The following MAPK10 variants were observed in gnomAD, a reference collection of about 807,000 sequenced individuals.
MAPK10 encodes mitogen-activated protein kinase 10.
A neutral mutation model predicts 59.3 loss-of-function variants in MAPK10; 25 were observed. That is an observed-to-expected ratio of 0.42 (90% CI 0.31 to 0.59). MAPK10 has a LOEUF of 0.59. MAPK10 is among the 20% of genes least tolerant of loss of function. MAPK10 has a pLI of 0.15. For missense variants in MAPK10, 351 were observed against 568.9 expected, an observed-to-expected ratio of 0.62 and a Z score of 3.90; for synonymous variants, 190 against 200.5, an observed-to-expected ratio of 0.95 and a Z score of 0.44.
intron 2 of MAPK10, among the ~76,000 whole-genome samples, chr4:86,342,779 T>C (rs186961795): frequency 6.6e-6 from 1 of 152,314 alleles, no homozygotes; most frequent in East Asian, 1.9e-4. Flanking sequence ...TCTTTAACAA[T>C]GAGACCCTCC....
intron 5 of MAPK10, among the ~76,000 whole-genome samples, chr4:86,106,342 T>A (rs1390720359): frequency 6.6e-6 from 1 of 151,862 alleles, no homozygotes; most frequent in Non-Finnish European, 1.5e-5. Context: ...AGAGAGTTAT[T>A]ATAGCTATTA....
At chr4:86,202,899 T>C (rs2082963421) in intron 2 of MAPK10, among the ~76,000 whole-genome samples, 1 of 151,950 alleles carries the variant, frequency 6.6e-6, no homozygotes, top group Non-Finnish European at 1.5e-5. Context: ...AGGAAGACAC[T>C]TTAAAAGATA....
At chr4:86,339,906 A>G (rs1051207589) in intron 2 of MAPK10, among the ~76,000 whole-genome samples, 2 of 152,254 alleles carry the variant, frequency 1.3e-5, no homozygotes, top group Admixed American at 1.3e-4. Flanking sequence ...TTTATTTCTC[A>G]TATAAACCCT....
chr4:86,190,440 T>A (rs886589532), intron 3 of MAPK10, among the ~76,000 whole-genome samples: 2 of 152,328 alleles, frequency 1.3e-5, no homozygotes, highest in Admixed American at 6.5e-5. Flanking sequence ...ATTGGTCTAT[T>A]CAGGGATTTA....
At position 86,423,886 on chromosome 4, in the gene MAPK10, TAAAG is replaced by T. The variant is rs572485937; in HGVS notation, c.-122+29140_-122+29143del. Among the ~76,000 whole-genome samples, 507 of 150,792 alleles carry T rather than the reference TAAAG, an allele frequency of 3.4e-3. 2 individuals carry two copies. The highest frequency in any genetic ancestry group is 0.012 in the African/African-American group (486 of 41,050). The stretch of plus-strand genomic sequence containing the variant: ...ATTTTGAACAGGGAATAGGCATAGA[TAAAG>T]AAAGTGTTTTAAGGAAAGTAACCTA... On this transcript the variant is annotated intron_variant, in intron 1 of 13. Transcript: ENST00000361569.
intron 1 of MAPK10, among the ~76,000 whole-genome samples, chr4:86,573,941 C>A (rs1200718678): frequency 2.0e-5 from 3 of 152,086 alleles, no homozygotes; most frequent in Non-Finnish European, 4.4e-5. Context: ...TTTTAGGGTA[C>A]ATGTGCACAA....
At chr4:86,168,545 A>G (rs1048045519) in intron 3 of MAPK10, among the ~76,000 whole-genome samples, 2 of 152,224 alleles carry the variant, frequency 1.3e-5, no homozygotes, top group Non-Finnish European at 2.9e-5. Context: ...GCTTAAGTAA[A>G]CAAAGCAGCC....
intron 2 of MAPK10, among the ~76,000 whole-genome samples, chr4:86,226,253 A>T (rs1421745536): frequency 6.6e-6 from 1 of 152,244 alleles, no homozygotes; most frequent in Admixed American, 6.5e-5. Context: ...CTAAGCCACA[A>T]GCTTCTGAAC....
intron 2 of MAPK10, among the ~76,000 whole-genome samples, chr4:86,231,271 T>C (rs1447720638): frequency 1.3e-5 from 2 of 152,214 alleles, no homozygotes; most frequent in African/African-American, 2.4e-5. Context: ...GTCATACTTA[T>C]ACTAAAAAAT....
At position 86,017,164 on chromosome 4, in the gene MAPK10, C is replaced by CGTGT; in HGVS notation, c.*60_*63dup. On this transcript the variant is annotated 3_prime_UTR_variant, in exon 14 of 14. Coordinates refer to ENST00000641462, the MANE Select transcript of MAPK10 (RefSeq NM_138982.4). This position sits in a 1 kb window ranked among gnomAD's most constrained non-coding sequence, Gnocchi z 4.4. Reference sequence around the variant, plus strand: ...GCATTTGTGTGTGTGTGTGTGTCTGCGTGTGTGTGTGTTCCATCACATCAT... The same window carrying CGTGT: ...GCATTTGTGTGTGTGTGTGTGTCTGCGTGTGTGTGTGTGTGTTCCATCACATCAT... 6.7e-7 allele frequency: 1 copy of CGTGT among 1,487,000 alleles called. No individual in the cohort carries two copies. The allele number at this position is 1,487,000 out of a possible 1,614,324, so 92.1% of individuals were successfully genotyped here. A position where few individuals can be genotyped will look rare whatever the true frequency, so the allele number is the denominator to read the frequency against.
At chr4:86,178,586 G>A (rs1292995083) in intron 3 of MAPK10, among the ~76,000 whole-genome samples, 3 of 152,082 alleles carry the variant, frequency 2.0e-5, no homozygotes, top group African/African-American at 4.8e-5. Flanking sequence ...ACATCATACT[G>A]AATAGGGAAA....
At chr4:86,077,705 C>T (rs1160056432) in intron 9 of MAPK10, among the ~76,000 whole-genome samples, 2 of 152,172 alleles carry the variant, frequency 1.3e-5, no homozygotes, top group Admixed American at 1.3e-4. Flanking sequence ...CAAAAATTTT[C>T]TGACCTCTCT....
At chr4:86,504,387 A>G (rs1755563761) in intron 1 of MAPK10, among the ~76,000 whole-genome samples, 1 of 152,148 alleles carries the variant, frequency 6.6e-6, no homozygotes, top group South Asian at 2.1e-4. Context: ...GGGTCTGTGA[A>G]TCCACATCCT....
intron 1 of MAPK10, among the ~76,000 whole-genome samples, chr4:86,375,635 A>T (rs1233398317): frequency 2.8e-5 from 4 of 140,650 alleles, no homozygotes; most frequent in Non-Finnish European, 6.1e-5. Context: ...GAATCACTTG[A>T]GCCCAGGAGG....
chr4:86,578,763 TGGA>T (rs1762066858), intron 1 of MAPK10, among the ~76,000 whole-genome samples: 1 of 151,696 alleles, frequency 6.6e-6, no homozygotes, highest in Admixed American at 6.6e-5. Context: ...AAAAGTTTCA[TGGA>T]GGAGAGAATA....
intron 1 of MAPK10, among the ~76,000 whole-genome samples, chr4:86,379,572 G>A (rs1360786933): frequency 6.6e-6 from 1 of 152,186 alleles, no homozygotes; most frequent in Non-Finnish European, 1.5e-5. Flanking sequence ...GGCCCACCCA[G>A]GGAGGAAAAC....
intron 3 of MAPK10, among the ~76,000 whole-genome samples, chr4:86,170,666 GA>G (rs1410571254): frequency 6.6e-6 from 1 of 151,998 alleles, no homozygotes; most frequent in Non-Finnish European, 1.5e-5. Flanking sequence ...ACAGATCAAT[GA>G]GAAAGAAAGT....
chr4:86,516,649 GTTTT>G (rs947906406), intron 1 of MAPK10, among the ~76,000 whole-genome samples: 1 of 151,710 alleles, frequency 6.6e-6, no homozygotes, highest in South Asian at 2.1e-4. Flanking sequence ...TTGTTTGTTT[GTTTT>G]TTGTTTGTTT....
chr4:86,185,038 G>C (rs1329779336), intron 3 of MAPK10, among the ~76,000 whole-genome samples: 1 of 152,082 alleles, frequency 6.6e-6, no homozygotes, highest in African/African-American at 2.4e-5. Flanking sequence ...TGCAGTATTT[G>C]CACATTTCTG....
Sources: allele counts gnomAD v4.1 joint callset (sites outside exome capture counted in the v4.1 genomes callset), GRCh38; gene constraint gnomAD v4.1.1; non-coding constraint Gnocchi (gnomAD v3.1); transcripts MANE v1.5; gene names NCBI Gene and HGNC (gene_info 2026-07-23, HGNC 2026-07-21).